KCNAB1: variants seen among roughly 807,000 people sequenced by gnomAD.
KCNAB1 encodes potassium voltage-gated channel subfamily A regulatory beta subunit 1.
KCNAB1 carries 35 observed loss-of-function variants against 64.6 expected under a neutral mutation model. The observed-to-expected ratio is 0.54, with a 90% confidence interval of 0.41 to 0.72. KCNAB1 has a LOEUF of 0.72. Ranked by LOEUF, KCNAB1 falls within the 30% of genes least tolerant of loss-of-function variation. The pLI is 0.00. For synonymous variants in KCNAB1, 177 were observed against 183.8 expected (o/e 0.96, Z 0.30); for missense variants, 401 against 512.9 (o/e 0.78, Z 2.11).
At chr3:156,418,405 C>T (rs1374974967) in intron 1 of KCNAB1, among the ~76,000 whole-genome samples, 1 of 152,180 alleles carries the variant, frequency 6.6e-6, no homozygotes, top group Non-Finnish European at 1.5e-5. Context: ...ATTAAAGCCA[C>T]ACAAACAAGC....
chr3:156,389,441 T>C (rs932578070), intron 1 of KCNAB1, among the ~76,000 whole-genome samples: 1 of 152,188 alleles, frequency 6.6e-6, no homozygotes, highest in African/African-American at 2.4e-5. Flanking sequence ...CTTCCTAAAC[T>C]AGCTCCTGCC....
At chr3:156,408,077 C>T (rs990046524) in intron 1 of KCNAB1, among the ~76,000 whole-genome samples, 4 of 151,358 alleles carry the variant, frequency 2.6e-5, no homozygotes, top group South Asian at 2.1e-4. Context: ...GCGGTGGTGG[C>T]GGGACACGGA....
intron 1 of KCNAB1, among the ~76,000 whole-genome samples, chr3:156,362,929 G>A (rs924661758): frequency 2.6e-5 from 4 of 152,162 alleles, no homozygotes; most frequent in Non-Finnish European, 5.9e-5. Context: ...CTCAGTTCTC[G>A]GAACTTTCTG....
chr3:156,478,735 C>A (rs1305633199), intron 8 of KCNAB1, among the ~76,000 whole-genome samples: 1 of 152,156 alleles, frequency 6.6e-6, no homozygotes, highest in Non-Finnish European at 1.5e-5. Context: ...CCAAGACGAG[C>A]TTCATCCAGT....
At chr3:156,399,944 C>G (rs1184563536) in intron 1 of KCNAB1, among the ~76,000 whole-genome samples, 1 of 152,150 alleles carries the variant, frequency 6.6e-6, no homozygotes, top group Non-Finnish European at 1.5e-5. Flanking sequence ...TACCAGCATT[C>G]TTGGTTATTC....
At chr3:156,280,821 T>A (rs1459340176) in intron 1 of KCNAB1, among the ~76,000 whole-genome samples, 1 of 151,066 alleles carries the variant, frequency 6.6e-6, no homozygotes, top group Non-Finnish European at 1.5e-5. Flanking sequence ...TTTTGTATCC[T>A]GAGACTTTGC....
At chr3:156,333,738 C>G (rs1350297291) in intron 1 of KCNAB1, among the ~76,000 whole-genome samples, 1 of 152,168 alleles carries the variant, frequency 6.6e-6, no homozygotes, top group Non-Finnish European at 1.5e-5. Context: ...CAAATACACT[C>G]CTAGTGATAA....
chr3:156,142,316 T>G (rs1714754287), intron 1 of KCNAB1, among the ~76,000 whole-genome samples: 1 of 152,260 alleles, frequency 6.6e-6, no homozygotes, highest in Non-Finnish European at 1.5e-5. Context: ...TCAAGTCTAA[T>G]AAGTCTTCAC....
At chr3:156,163,097 G>T (rs879413332) in intron 1 of KCNAB1, among the ~76,000 whole-genome samples, 2 of 152,152 alleles carry the variant, frequency 1.3e-5, no homozygotes, top group Non-Finnish European at 2.9e-5. Context: ...CTATATGGTA[G>T]CCACTAGTCA....
intron 2 of KCNAB1, among the ~76,000 whole-genome samples, chr3:156,436,424 G>A (rs7630247): frequency 0.037 from 5,557 of 152,218 alleles, 344 homozygotes; most frequent in African/African-American, 0.13. Flanking sequence ...TCCTTTGGGT[G>A]TATACCCAGT....
At chr3:156,522,437 G>A (rs1170874128) in intron 11 of KCNAB1, among the ~76,000 whole-genome samples, 16 of 152,048 alleles carry the variant, frequency 1.1e-4, no homozygotes, top group Non-Finnish European at 2.2e-4. Context: ...CATCACCACT[G>A]GCACCAAATG....
chr3:156,391,783 T>C (rs1713061909), intron 1 of KCNAB1, among the ~76,000 whole-genome samples: 1 of 152,170 alleles, frequency 6.6e-6, no homozygotes, highest in South Asian at 2.1e-4. Context: ...CAATCCCAAC[T>C]GTATTTACCT....
At chr3:156,335,790 G>T (rs1214839879) in intron 1 of KCNAB1, among the ~76,000 whole-genome samples, 1 of 147,594 alleles carries the variant, frequency 6.8e-6, no homozygotes, top group Non-Finnish European at 1.5e-5. Flanking sequence ...TAGATAGAAA[G>T]AACACAATGC....
At chr3:156,157,062 G>A (rs2108302674) in intron 1 of KCNAB1, among the ~76,000 whole-genome samples, 1 of 152,278 alleles carries the variant, frequency 6.6e-6, no homozygotes, top group Non-Finnish European at 1.5e-5. Flanking sequence ...ACAAAAGAGA[G>A]AAAGATCAAG....
At chr3:156,434,395 C>T (rs1335617902) in intron 2 of KCNAB1, among the ~76,000 whole-genome samples, 1 of 152,208 alleles carries the variant, frequency 6.6e-6, no homozygotes, top group Non-Finnish European at 1.5e-5. Flanking sequence ...GCTCATCATA[C>T]TGTCAGCATA....
At chr3:156,156,959 G>C (rs978160058) in intron 1 of KCNAB1, among the ~76,000 whole-genome samples, 1 of 152,152 alleles carries the variant, frequency 6.6e-6, no homozygotes, top group Admixed American at 6.5e-5. Flanking sequence ...AATGTGAGGA[G>C]GTAGGAGAGA....
At chr3:156,175,575 G>T (rs897881390) in intron 1 of KCNAB1, among the ~76,000 whole-genome samples, 1 of 152,160 alleles carries the variant, frequency 6.6e-6, no homozygotes, top group Non-Finnish European at 1.5e-5. Context: ...GCCGAGATGC[G>T]CCACTGCACT....
chr3:156,141,527 AT>A (rs1234137617), intron 1 of KCNAB1, among the ~76,000 whole-genome samples: 1 of 151,412 alleles, frequency 6.6e-6, no homozygotes, highest in African/African-American at 2.4e-5. Flanking sequence ...ACCTTTTGGT[AT>A]TAGCTTTTTT....
intron 8 of KCNAB1, among the ~76,000 whole-genome samples, chr3:156,502,777 G>A (rs1716537656): frequency 6.6e-6 from 1 of 152,170 alleles, no homozygotes. Context: ...GAACCCCCAG[G>A]ATGCTAAGAG....
Sources: allele counts gnomAD v4.1 joint callset (sites outside exome capture counted in the v4.1 genomes callset), GRCh38; gene constraint gnomAD v4.1.1; transcripts MANE v1.5; gene names NCBI Gene and HGNC (gene_info 2026-07-23, HGNC 2026-07-21).